Variants in IQSEC1 observed in about 807,000 individuals in gnomAD.
The protein encoded by IQSEC1 is IQ motif and SEC7 domain-containing protein 1.
In IQSEC1, 31 loss-of-function variants were observed where a neutral mutation model predicts 91.0. That is an observed-to-expected ratio of 0.34 (90% CI 0.26 to 0.46). The LOEUF is 0.46. Ranked by LOEUF, IQSEC1 falls within the 20% of genes least tolerant of loss-of-function variation. The probability of loss-of-function intolerance (pLI) is 1.00; values close to 1 mark genes in which losing one functional copy is unlikely to be tolerated. For missense variants in IQSEC1, 1,388 were observed against 1,575.6 expected, an observed-to-expected ratio of 0.88 and a Z score of 2.02; for synonymous variants, 699 against 662.6, an observed-to-expected ratio of 1.05 and a Z score of -0.84.
At position 13,010,898 on chromosome 3, in the gene IQSEC1, G is replaced by A. The variant is rs745696552; in HGVS notation, c.23+62094C>T. Among the ~76,000 whole-genome samples the A allele has an allele frequency of 2.0e-5, 3 of 151,788 alleles. 1 individual carries two copies. The highest frequency in any genetic ancestry group is 1.5e-5 in the Non-Finnish European group (1 of 67,958). On this transcript the variant is annotated intron_variant, in intron 1 of 13. Transcript: ENST00000613206. ...TTTCCCAAACACACCATGAAGACTC[G>A]ACCTACAGTTTCTACCCAAACTCTC...
intron 1 of IQSEC1, among the ~76,000 whole-genome samples, chr3:13,274,531 C>T (rs1695643316): frequency 6.6e-6 from 1 of 152,260 alleles, no homozygotes; most frequent in Admixed American, 6.5e-5. Flanking sequence ...GCTAAACCAC[C>T]ACAGGTGCTT....
chr3:13,263,783 C>A (rs886779173), intron 1 of IQSEC1, among the ~76,000 whole-genome samples: 7 of 152,114 alleles, frequency 4.6e-5, no homozygotes, highest in Admixed American at 1.3e-4. Flanking sequence ...CCCAGTGCCC[C>A]GTCCCTGCCA....
rs553278046 is a variant in IQSEC1 at position 12,979,694 on chromosome 3, G to A, written c.24-37829C>T. On this transcript the variant is annotated intron_variant, in intron 1 of 13. Coordinates refer to ENST00000613206, the MANE Select transcript of IQSEC1 (RefSeq NM_001134382.3). This position sits in a 1 kb window ranked among gnomAD's most constrained non-coding sequence, Gnocchi z 4.3. ...TGTGGGTGATAAAGAGACATTAAAG[G>A]TCTGTCAGCATGCCGACCCTCCTGT... is the stretch of plus-strand genomic sequence containing the variant. Among the ~76,000 whole-genome samples the A allele has an allele frequency of 6.6e-6, 1 of 152,292 alleles. No homozygotes were observed. Among genetic ancestry groups the A allele is most frequent in the South Asian group, 2.1e-4 (1 of 4,824 alleles).
intron 2 of IQSEC1, among the ~76,000 whole-genome samples, chr3:13,086,143 C>T (rs1228676817): frequency 6.6e-6 from 1 of 152,226 alleles, no homozygotes; most frequent in Non-Finnish European, 1.5e-5. Context: ...GACCTCAGCT[C>T]AGATTCTGAT....
chr3:13,043,718 G>A (rs1704377158), intron 1 of IQSEC1, among the ~76,000 whole-genome samples: 1 of 152,230 alleles, frequency 6.6e-6, no homozygotes, highest in South Asian at 2.1e-4. Context: ...GCCCACTGGA[G>A]GAGCCTCGAT....
At chr3:13,016,990 C>T (rs1005754228) in intron 1 of IQSEC1, among the ~76,000 whole-genome samples, 6 of 152,342 alleles carry the variant, frequency 3.9e-5, no homozygotes, top group Non-Finnish European at 5.9e-5. Flanking sequence ...TGTGGTCTTC[C>T]GTCTGGCTTC....
intron 1 of IQSEC1, among the ~76,000 whole-genome samples, chr3:13,029,083 T>C (rs1337826567): frequency 2.6e-5 from 4 of 152,222 alleles, no homozygotes; most frequent in Admixed American, 6.5e-5. Context: ...TGTAAAGCTA[T>C]ATAGAAGATC....
intron 1 of IQSEC1, among the ~76,000 whole-genome samples, chr3:13,202,637 T>C (rs1372794412): frequency 6.6e-6 from 1 of 151,706 alleles, no homozygotes; most frequent in African/African-American, 2.4e-5. Context: ...GGAGGAGGCA[T>C]AGGGAGTCAG....
chr3:13,202,097 A>C (rs2125050328), intron 1 of IQSEC1, among the ~76,000 whole-genome samples: 1 of 152,314 alleles, frequency 6.6e-6, no homozygotes, highest in Non-Finnish European at 1.5e-5. Flanking sequence ...CACGTGCAAA[A>C]GTCTGTGCTG....
intron 1 of IQSEC1, among the ~76,000 whole-genome samples, chr3:13,224,184 G>C (rs1429908145): frequency 6.6e-6 from 1 of 152,140 alleles, no homozygotes; most frequent in African/African-American, 2.4e-5. Flanking sequence ...GGGGCCGTTA[G>C]AGCCGACATC....
chr3:13,275,520 C>T (rs767353888), intron 1 of IQSEC1, among the ~76,000 whole-genome samples: 1 of 152,190 alleles, frequency 6.6e-6, no homozygotes, highest in Admixed American at 6.5e-5. Flanking sequence ...TCACACACCC[C>T]GGGCACAGAC....
In IQSEC1 at chr3:12,936,391, G is replaced by C; in HGVS notation, c.625C>G (p.Leu209Val). ...TCACTGGAGGGGGCCGGAGACTTGAGGGTGGTGGGCTCGCTGAGGTCACCA... is the reference window on the plus strand; with the variant it reads ...TCACTGGAGGGGGCCGGAGACTTGACGGTGGTGGGCTCGCTGAGGTCACCA... ...ECGDLSEPTTLKSPAPSSDFA... is the reference protein window; with the variant it reads ...ECGDLSEPTTVKSPAPSSDFA... The change falls in exon 3 of 14, where the codon CTC (leucine) becomes GTC (valine). Residue 209 changes from leucine (L) to valine (V), a missense_variant. By Grantham distance (32) the Leu-to-Val change is conservative. Transcript: ENST00000613206. The C allele has an allele frequency of 6.3e-7, 1 of 1,595,954 alleles. No individual in the cohort carries two copies. Among genetic ancestry groups the C allele is most frequent in the Non-Finnish European group, 8.6e-7 (1 of 1,168,502 alleles).
chr3:13,085,816 T>A (rs12491884), intron 2 of IQSEC1, among the ~76,000 whole-genome samples: 11,252 of 152,302 alleles, frequency 0.074, 464 homozygotes, highest in Middle Eastern at 0.19. Flanking sequence ...TATCGGCCAA[T>A]GCGAGGCTCT....
chr3:13,000,916 T>C (rs1307153588), intron 1 of IQSEC1, among the ~76,000 whole-genome samples: 1 of 150,828 alleles, frequency 6.6e-6, no homozygotes, highest in Non-Finnish European at 1.5e-5. Flanking sequence ...AAACAGAGGC[T>C]CAGGAATGGG....
intron 5 of IQSEC1, 67 bp from the exon 6 acceptor site, chr3:12,920,663 C>T (rs1696546647): frequency 6.6e-7 from 1 of 1,519,490 alleles, no homozygotes; most frequent in Non-Finnish European, 9.1e-7. Context: ...CTCTCACCCG[C>T]TGAGGCTGTC....
At chr3:12,921,203 C>G (rs1395416570) in intron 5 of IQSEC1, among the ~76,000 whole-genome samples, 4 of 152,164 alleles carry the variant, frequency 2.6e-5, no homozygotes, top group Non-Finnish European at 5.9e-5. Context: ...TGACAAGAGG[C>G]AGGGACAGAG....
At position 13,211,691 on chromosome 3, in the gene IQSEC1, C is replaced by A. The variant is rs1380488318; in HGVS notation, c.273-47558G>T. ...ACGAACTGGCACCACCCCAGCCCTG[C>A]TCAGCCACCACGTTTCCCAAATCTA... On this transcript the variant is annotated intron_variant, in intron 1 of 15. Coordinates refer to the IQSEC1 transcript ENST00000648114. This position sits in a 1 kb window ranked among gnomAD's most constrained non-coding sequence, Gnocchi z 5.3. 6.6e-6 allele frequency among the ~76,000 whole-genome samples: 1 copy of A among 152,180 alleles called. No homozygotes were observed. Among genetic ancestry groups the A allele is most frequent in the African/African-American group, 2.4e-5 (1 of 41,432 alleles).
chr3:12,935,571 C>T lies in IQSEC1; in HGVS notation c.1445G>A (p.Arg482Gln), dbSNP rs760589697. Residue 482 changes from arginine to glutamine, a missense_variant, in exon 3 of 14, where the codon CGG (arginine) becomes CAG (glutamine). Physicochemically the swap from Arg to Gln is conservative, Grantham distance 43. Around this residue, in one of 2 missense-constraint regions of IQSEC1, gnomAD observed 1,059 missense variants for 1,317.8 expected, o/e 0.80. Transcript: ENST00000613206. This position sits in a 1 kb window ranked among gnomAD's most constrained non-coding sequence, Gnocchi z 8.0. ...GGTCTGCTTGCTGAGCGTCTGCTCC[C>T]GCAGGCTGTCACGGGACGATGACTC... is the stretch of plus-strand genomic sequence containing the variant. Reference protein sequence around the residue: ...SSESSSRDSLREQTLSKQTYH... With the variant: ...SSESSSRDSLQEQTLSKQTYH... The T allele has an allele frequency of 1.1e-5, 17 of 1,614,088 alleles. No individual in the cohort carries two copies. The highest frequency in any genetic ancestry group is 2.2e-5 in the East Asian group (1 of 44,888).
chr3:12,953,032 C>A (rs1296205392), intron 1 of IQSEC1, among the ~76,000 whole-genome samples: 1 of 152,208 alleles, frequency 6.6e-6, no homozygotes, highest in Admixed American at 6.5e-5. Flanking sequence ...CTCTGAGGGG[C>A]AGGAAGGGAG....
Sources: gnomAD v4.1 joint callset for allele counts (sites outside exome capture counted in the v4.1 genomes callset) on GRCh38, gnomAD v4.1.1 for gene constraint, gnomAD v4.1.1 regional missense constraint, Gnocchi (gnomAD v3.1) non-coding constraint, MANE v1.5 for transcripts, NCBI Gene and HGNC (gene_info 2026-07-23, HGNC 2026-07-21) for gene names.